ADGRV1: variants seen among roughly 807,000 people sequenced by gnomAD.
ADGRV1 encodes the protein G-protein coupled receptor 98.
In ADGRV1, 359 loss-of-function variants were observed where a neutral mutation model predicts 596.2. The ratio of observed to expected loss-of-function variants is 0.60; its 90% CI spans 0.55 to 0.66. ADGRV1 has a LOEUF of 0.66. ADGRV1 is among the 30% of genes least tolerant of loss of function. The probability of loss-of-function intolerance (pLI) is 0.00; values close to 1 mark genes in which losing one functional copy is unlikely to be tolerated. For missense variants in ADGRV1, 7,274 were observed against 7,575.6 expected, an observed-to-expected ratio of 0.96 and a Z score of 1.48; for synonymous variants, 2,681 against 2,679.2, an observed-to-expected ratio of 1.00 and a Z score of -0.02.
chr5:90,884,375 A>G (rs906253730), intron 83 of ADGRV1, among the ~76,000 whole-genome samples: 1 of 152,142 alleles, frequency 6.6e-6, no homozygotes, highest in Non-Finnish European at 1.5e-5. Flanking sequence ...TGCACATTTT[A>G]TGAAATGTAT....
chr5:91,157,232 C>T (rs1796549002), intron 89 of ADGRV1, among the ~76,000 whole-genome samples: 1 of 152,182 alleles, frequency 6.6e-6, no homozygotes, highest in Admixed American at 6.5e-5. Context: ...ATTTGAACCC[C>T]TAAACAACTT....
intron 65 of ADGRV1, among the ~76,000 whole-genome samples, chr5:90,782,845 A>G (rs772833195): frequency 3.5e-5 from 5 of 142,354 alleles, no homozygotes; most frequent in Non-Finnish European, 7.4e-5. Context: ...ATTTGTTTTT[A>G]TGTAGTACAC....
chr5:90,594,359 C>T (rs1257243401), intron 1 of ADGRV1, among the ~76,000 whole-genome samples: 1 of 152,118 alleles, frequency 6.6e-6, no homozygotes, highest in East Asian at 1.9e-4. Flanking sequence ...CAGCACTTCT[C>T]TCTCCTGGGA....
chr5:91,013,180 A>G (rs1277311727), intron 85 of ADGRV1, among the ~76,000 whole-genome samples: 14 of 152,090 alleles, frequency 9.2e-5, no homozygotes, highest in Admixed American at 8.5e-4. Flanking sequence ...CAGTGCTGCA[A>G]TGAACATTCA....
At chr5:90,931,496 A>G (rs576176427) in intron 83 of ADGRV1, among the ~76,000 whole-genome samples, 1 of 152,298 alleles carries the variant, frequency 6.6e-6, no homozygotes, top group South Asian at 2.1e-4. Context: ...TGATGCCCAA[A>G]TTGACAAATT....
At chr5:90,990,483 G>A (rs770082117) in intron 85 of ADGRV1, among the ~76,000 whole-genome samples, 1 of 152,052 alleles carries the variant, frequency 6.6e-6, no homozygotes, top group African/African-American at 2.4e-5. Context: ...ACAATGCACC[G>A]TTCACAATAG....
At chr5:90,733,511 G>A (rs748232583) in intron 50 of ADGRV1, among the ~76,000 whole-genome samples, 1 of 152,086 alleles carries the variant, frequency 6.6e-6, no homozygotes, top group Non-Finnish European at 1.5e-5. Flanking sequence ...CACAAATACA[G>A]GAGTCAGTAT....
At chr5:90,626,369 G>A (rs1246914955) in intron 6 of ADGRV1, 2 of 152,092 alleles carry the variant, frequency 1.3e-5, no homozygotes, top group African/African-American at 4.8e-5. Flanking sequence ...GCTATAATTT[G>A]GGGAGATGAT....
chr5:91,002,544 CT>C (rs1335645829), intron 85 of ADGRV1, among the ~76,000 whole-genome samples: 10 of 152,062 alleles, frequency 6.6e-5, no homozygotes, highest in African/African-American at 2.2e-4. Flanking sequence ...GCTTCTTTTC[CT>C]TTGGGTTTGT....
At chr5:90,886,179 A>C (rs1481174247) in intron 83 of ADGRV1, among the ~76,000 whole-genome samples, 1 of 151,954 alleles carries the variant, frequency 6.6e-6, no homozygotes, top group Admixed American at 6.6e-5. Flanking sequence ...GCTCAAAGGA[A>C]CTCTGATCAT....
intron 86 of ADGRV1, among the ~76,000 whole-genome samples, chr5:91,096,782 A>G (rs1369405731): frequency 6.6e-6 from 1 of 152,210 alleles, no homozygotes; most frequent in African/African-American, 2.4e-5. Flanking sequence ...AAGTACACTG[A>G]CAATGTTGTG....
At chr5:91,142,858 C>T (rs894179884) in intron 87 of ADGRV1, among the ~76,000 whole-genome samples, 3 of 152,212 alleles carry the variant, frequency 2.0e-5, no homozygotes, top group Non-Finnish European at 2.9e-5. Context: ...CTTGGGGTTT[C>T]GCTTTGCCAG....
intron 83 of ADGRV1, among the ~76,000 whole-genome samples, chr5:90,959,441 CTT>C (rs1310022121): frequency 6.6e-6 from 1 of 151,936 alleles, no homozygotes; most frequent in Non-Finnish European, 1.5e-5. Flanking sequence ...ATTCAGCTTT[CTT>C]TTGTAGAAAT....
At chr5:90,914,988 C>G (rs1219402111) in intron 83 of ADGRV1, among the ~76,000 whole-genome samples, 1 of 152,046 alleles carries the variant, frequency 6.6e-6, no homozygotes, top group Non-Finnish European at 1.5e-5. Flanking sequence ...TTTTTTTCTT[C>G]TAAGAAATTT....
chr5:91,141,572 A>C (rs928627971), intron 87 of ADGRV1, among the ~76,000 whole-genome samples: 1 of 152,236 alleles, frequency 6.6e-6, no homozygotes, highest in East Asian at 1.9e-4. Context: ...AGCAATTTTA[A>C]ATGAAAAAAA....
chr5:90,918,025 T>G (rs1008107892), intron 83 of ADGRV1, among the ~76,000 whole-genome samples: 1 of 152,126 alleles, frequency 6.6e-6, no homozygotes, highest in African/African-American at 2.4e-5. Context: ...TGCAAAAGGA[T>G]GAATACCTAA....
At chr5:91,144,005 A>G (rs1795324946) in intron 87 of ADGRV1, among the ~76,000 whole-genome samples, 1 of 152,116 alleles carries the variant, frequency 6.6e-6, no homozygotes, top group Admixed American at 6.5e-5. Flanking sequence ...CTTGGCCTCA[A>G]CTTTGCTGTG....
chr5:90,668,282 T>C (rs1311226086), intron 21 of ADGRV1, among the ~76,000 whole-genome samples: 2 of 152,146 alleles, frequency 1.3e-5, no homozygotes, highest in Non-Finnish European at 2.9e-5. Context: ...TGTAGGACCC[T>C]CTGAGCCAGG....
chr5:90,963,838 G>T (rs117130386), intron 83 of ADGRV1, among the ~76,000 whole-genome samples: 5 of 150,436 alleles, frequency 3.3e-5, no homozygotes, highest in East Asian at 3.9e-4. Flanking sequence ...TAGTTTCCAA[G>T]AAGAGTCACT....
Sources: gnomAD v4.1 joint callset for allele counts (sites outside exome capture counted in the v4.1 genomes callset) on GRCh38, gnomAD v4.1.1 for gene constraint, MANE v1.5 for transcripts, NCBI Gene and HGNC (gene_info 2026-07-23, HGNC 2026-07-21) for gene names.